Variants in MET observed in about 807,000 individuals in gnomAD.
The protein encoded by MET is hepatocyte growth factor receptor.
A neutral mutation model predicts 133.1 loss-of-function variants in MET; 48 were observed. That is an observed-to-expected ratio of 0.36 (90% confidence interval 0.29 to 0.46). The LOEUF (loss-of-function observed/expected upper bound fraction) is 0.46, where lower values mean the gene tolerates loss of function less well. Ranked by LOEUF, MET falls within the 20% of genes least tolerant of loss-of-function variation. The pLI, the probability that MET is intolerant of heterozygous loss-of-function variation, is 1.00. For missense variants in MET, 1,442 were observed against 1,695.9 expected, an observed-to-expected ratio of 0.85 and a Z score of 2.63; for synonymous variants, 628 against 616.5, an observed-to-expected ratio of 1.02 and a Z score of -0.28.
rs1306740707 is a variant in MET, at chr7:116,699,362, C to T, written c.278C>T (p.Pro93Leu). ...AAGACTGGGCCTGTGCTGGAACACC[C>T]AGATTGTTTCCCATGTCAGGACTGC... ...EYKTGPVLEH[P>L]DCFPCQDCSS... The change falls in exon 2 of 21, where the codon CCA (proline) becomes CTA (leucine). Residue 93 changes from proline to leucine, a missense_variant. Physicochemically the swap from Pro to Leu is moderately conservative, Grantham distance 98 (BLOSUM62 -3). This residue lies in a region of MET where 762 missense variants were observed against 792.4 expected (regional missense o/e 0.96). Transcript: ENST00000397752. 1.2e-6 allele frequency: 2 copies of T among 1,614,028 alleles called. No individual in the cohort carries two copies. Among genetic ancestry groups the T allele is most frequent in the East Asian group, 4.5e-5 (2 of 44,884 alleles).
chr7:116,701,617 C>T (rs1300239116), intron 2 of MET, among the ~76,000 whole-genome samples: 1 of 152,166 alleles, frequency 6.6e-6, no homozygotes, highest in Non-Finnish European at 1.5e-5. Flanking sequence ...AATGCACATA[C>T]ATTCCAACTA....
At chr7:116,679,706 G>C (rs1796281108) in intron 1 of MET, among the ~76,000 whole-genome samples, 1 of 152,156 alleles carries the variant, frequency 6.6e-6, no homozygotes, top group Admixed American at 6.5e-5. Flanking sequence ...GTTGGGTATT[G>C]CTCCAAATTA....
At chr7:116,714,117 T>C (rs753125607) in intron 2 of MET, among the ~76,000 whole-genome samples, 13 of 152,176 alleles carry the variant, frequency 8.5e-5, no homozygotes, top group Non-Finnish European at 2.9e-5. Flanking sequence ...CTGGCTATGA[T>C]TGAAGTGCAG....
intron 2 of MET, among the ~76,000 whole-genome samples, chr7:116,716,887 C>T (rs1792262689): frequency 6.6e-6 from 1 of 152,212 alleles, no homozygotes; most frequent in Non-Finnish European, 1.5e-5. Context: ...GGCTGTCTGG[C>T]TGCACACACA....
chr7:116,708,027 G>A (rs1358133149), intron 2 of MET, among the ~76,000 whole-genome samples: 1 of 152,090 alleles, frequency 6.6e-6, no homozygotes, highest in African/African-American at 2.4e-5. Flanking sequence ...AAATTCAACA[G>A]ATATTTATTT....
intron 11 of MET, among the ~76,000 whole-genome samples, chr7:116,768,209 ATGT>A (rs1416849925): frequency 5.9e-5 from 9 of 152,094 alleles, no homozygotes; most frequent in Non-Finnish European, 1.3e-4. Flanking sequence ...GGAAACACAA[ATGT>A]TGTACATTCA....
In MET at chr7:116,712,544, T is replaced by C. The variant is rs577303897; in HGVS notation, c.1200+12260T>C. ...TATATTACTATAAATAGAATGCTGA[T>C]TCATAAAAATAATTATTTAGATAAA... On this transcript the variant is annotated intron_variant, in intron 2 of 20. Coordinates refer to ENST00000397752, the MANE Select transcript of MET (RefSeq NM_000245.4). Among the ~76,000 whole-genome samples the C allele has an allele frequency of 5.3e-5, 8 of 152,322 alleles. No individual in the cohort carries two copies. In the South Asian group the frequency reaches 1.5e-3, roughly 28 times the overall value.
intron 5 of MET, among the ~76,000 whole-genome samples, chr7:116,744,227 A>T (rs1039383510): frequency 6.6e-6 from 1 of 152,266 alleles, no homozygotes; most frequent in Non-Finnish European, 1.5e-5. Context: ...AATTTGGGTA[A>T]TAACAAACTC....
chr7:116,771,727 G>C (rs894047114), intron 13 of MET, 73 bp downstream of exon 13: 1 of 1,607,840 alleles, frequency 6.2e-7, no homozygotes, highest in Admixed American at 1.7e-5. Context: ...GATTGTCGTC[G>C]ATTCTTGTGT....
chr7:116,739,904 A>G (rs894644335), intron 3 of MET, 46 bp from the exon 4 acceptor site: 11 of 1,613,444 alleles, frequency 6.8e-6, no homozygotes, highest in Non-Finnish European at 9.3e-6. Flanking sequence ...TTATATTTAA[A>G]CTGAGCTTGT....
At chr7:116,690,564 G>A (rs1796747362) in intron 1 of MET, among the ~76,000 whole-genome samples, 1 of 152,164 alleles carries the variant, frequency 6.6e-6, no homozygotes, top group Non-Finnish European at 1.5e-5. Context: ...CGATAGAAGG[G>A]ATTTTTGACA....
At chr7:116,761,599 A>T (rs1283312333) in intron 10 of MET, among the ~76,000 whole-genome samples, 1 of 152,184 alleles carries the variant, frequency 6.6e-6, no homozygotes, top group African/African-American at 2.4e-5. Flanking sequence ...CAAAATGTAT[A>T]TTAAATTGTT....
intron 5 of MET, among the ~76,000 whole-genome samples, chr7:116,742,501 C>T (rs143406317): frequency 3.1e-3 from 471 of 152,306 alleles, no homozygotes; most frequent in Non-Finnish European, 4.5e-3. Context: ...TGTGTGTGCC[C>T]ATGCAATTAA....
At chr7:116,755,742 G>A (rs963858287) in intron 6 of MET, among the ~76,000 whole-genome samples, 2 of 152,200 alleles carry the variant, frequency 1.3e-5, no homozygotes, top group Admixed American at 1.3e-4. Context: ...GAAGAGGCCA[G>A]AAATGGGAGT....
chr7:116,716,526 A>AAAG (rs1792243943), intron 2 of MET, among the ~76,000 whole-genome samples: 1 of 149,140 alleles, frequency 6.7e-6, no homozygotes, highest in African/African-American at 2.5e-5. Context: ...AGAAAGAAAG[A>AAAG]AAGAAAGAAA....
At chr7:116,721,785 T>G (rs1180126235) in intron 2 of MET, among the ~76,000 whole-genome samples, 4 of 152,204 alleles carry the variant, frequency 2.6e-5, no homozygotes, top group Non-Finnish European at 5.9e-5. Flanking sequence ...TTCCATGTAG[T>G]TGAGCGGTTT....
At chr7:116,767,682 A>G (rs1016802710) in intron 11 of MET, among the ~76,000 whole-genome samples, 3 of 151,976 alleles carry the variant, frequency 2.0e-5, no homozygotes, top group East Asian at 1.9e-4. Flanking sequence ...AAACCCACAT[A>G]TTACCATTTT....
Position 116,795,643 on chromosome 7 carries a change from T to C in MET, c.3799-12T>C, listed in dbSNP as rs1795644889. 2.5e-6 allele frequency: 4 copies of C among 1,613,590 alleles called. No homozygotes were observed. Among genetic ancestry groups the C allele is most frequent in the Non-Finnish European group, 3.4e-6 (4 of 1,179,978 alleles). ...TCTCTCACCTCATCTGTCCTGTTTCTTGTTTTACTAGTGGTCCTTTGGCGT... is the reference window on the plus strand; with the variant it reads ...TCTCTCACCTCATCTGTCCTGTTTCCTGTTTTACTAGTGGTCCTTTGGCGT... On this transcript the variant is annotated splice_polypyrimidine_tract_variant and intron_variant, in intron 19 of 20. Transcript: ENST00000397752.
intron 1 of MET, chr7:116,695,901 G>A (rs1255991317): frequency 3.0e-6 from 1 of 332,542 alleles, no homozygotes; most frequent in East Asian, 8.1e-5. Context: ...CTCTAGCTTG[G>A]CTTATCCCTT....
Sources: gnomAD v4.1 joint callset for allele counts (sites outside exome capture counted in the v4.1 genomes callset) on GRCh38, gnomAD v4.1.1 for gene constraint, gnomAD v4.1.1 regional missense constraint, MANE v1.5 for transcripts, NCBI Gene and HGNC (gene_info 2026-07-23, HGNC 2026-07-21) for gene names.